The following TMEM151B variants were observed in gnomAD, a reference collection of about 807,000 sequenced individuals.
TMEM151B encodes the protein transmembrane protein 151B, also known as transmembrane protein 193.
TMEM151B carries 18 observed loss-of-function variants against 33.0 expected under a neutral mutation model. The ratio of observed to expected loss-of-function variants is 0.55; its 90% CI spans 0.38 to 0.81. The LOEUF (loss-of-function observed/expected upper bound fraction) is 0.81, where lower values mean the gene tolerates loss of function less well. Ranked by LOEUF, TMEM151B falls within the 30% of genes least tolerant of loss-of-function variation. The pLI, the probability that TMEM151B is intolerant of heterozygous loss-of-function variation, is 0.00. For missense variants in TMEM151B, 672 were observed against 843.4 expected, an observed-to-expected ratio of 0.80 and a Z score of 2.52; for synonymous variants, 354 against 373.6, an observed-to-expected ratio of 0.95 and a Z score of 0.61.
At position 44,276,031 on chromosome 6, in the gene TMEM151B, G is replaced by A; in HGVS notation, c.1205G>A (p.Cys402Tyr). Residue 402 changes from cysteine (C) to tyrosine (Y), a missense_variant, in exon 3 of 3, where the codon TGC becomes TAC. Cys to Tyr is a radical substitution (Grantham distance 194). Coordinates refer to ENST00000451188, the MANE Select transcript of TMEM151B (RefSeq NM_001137560.2). ...LMDLAGLGTR[C>Y]GGAGGGYAPS... ...GACCTGGCGGGGCTCGGGACGCGCT[G>A]CGGCGGGGCAGGCGGCGGCTACGCG... 7.4e-7 allele frequency: 1 copy of A among 1,351,712 alleles called. No individual in the cohort carries two copies. Among genetic ancestry groups the A allele is most frequent in the Non-Finnish European group, 9.5e-7 (1 of 1,055,410 alleles). 83.7% of individuals were successfully genotyped at this position (1,351,712 alleles called of 1,614,324 possible).
chr6:44,273,606 G>A (rs1419929548), intron 2 of TMEM151B, 100 bp downstream of exon 2: 1 of 1,303,472 alleles, frequency 7.7e-7, no homozygotes, highest in East Asian at 2.5e-5. Context: ...GGTGGGAGGA[G>A]CAAAAGGCAG....
Position 44,276,003 on chromosome 6 carries a change from A to G in TMEM151B, c.1177A>G (p.Met393Val), listed in dbSNP as rs766046773. 5.0e-6 allele frequency: 7 copies of G among 1,394,784 alleles called. No individual in the cohort carries two copies. The South Asian group carries it at 1.0e-4, about 20-fold the overall frequency. 86.4% of individuals were successfully genotyped at this position (1,394,784 alleles called of 1,614,324 possible). A position where few individuals can be genotyped will look rare whatever the true frequency, so the allele number is the denominator to read the frequency against. Residue 393 changes from methionine (M) to valine (V), a missense_variant, in exon 3 of 3, where the codon ATG becomes GTG. Transcript: ENST00000451188. The stretch of plus-strand genomic sequence containing the variant: ...GCCCAGCTACTCTGAGGCGGTGCTC[A>G]TGGACCTGGCGGGGCTCGGGACGCG... ...LVPSYSEAVLMDLAGLGTRCG... is the reference protein window; with the variant it reads ...LVPSYSEAVLVDLAGLGTRCG...
chr6:44,272,921 T>G (rs1782423575), intron 1 of TMEM151B, 145 bp from the exon 2 acceptor site: 1 of 739,772 alleles, frequency 1.4e-6, no homozygotes, highest in Admixed American at 3.0e-5. Context: ...TGGTCTCACC[T>G]TTTCTCTCCA....
intron 1 of TMEM151B, 26 bp downstream of exon 1, chr6:44,270,903 C>T (rs1489152877): frequency 2.9e-5 from 31 of 1,060,932 alleles, no homozygotes; most frequent in Admixed American, 5.5e-5. Flanking sequence ...GCCCCTTCCC[C>T]GGGCGCGGCC....
rs916649718 is a variant in TMEM151B, at chr6:44,276,259, G to A, written c.1433G>A (p.Arg478His). 8.3e-6 allele frequency: 11 copies of A among 1,324,780 alleles called. No homozygotes were observed. The highest frequency in any genetic ancestry group is 6.1e-5 in the African/African-American group (4 of 65,082). The allele number at this position is 1,324,780 out of a possible 1,614,324, so 82.1% of individuals were successfully genotyped here. ...GGGGGCAGCCGCTTCTCGCTGGGCCGTCTCTACGGCTCCCGGCGCAGCTGC... is the reference window on the plus strand; with the variant it reads ...GGGGGCAGCCGCTTCTCGCTGGGCCATCTCTACGGCTCCCGGCGCAGCTGC... ...GCGGSRFSLG[R>H]LYGSRRSCLW... The change falls in exon 3 of 3, where the codon CGT (arginine) becomes CAT (histidine). Residue 478 changes from arginine to histidine, a missense_variant. By Grantham distance (29) the Arg-to-His change is conservative. This residue lies in a region of TMEM151B where 324 missense variants were observed against 363.1 expected (regional missense o/e 0.89). Coordinates refer to ENST00000451188, the MANE Select transcript of TMEM151B (RefSeq NM_001137560.2).
chr6:44,274,601 C>T lies in TMEM151B; in HGVS notation c.577-802C>T, dbSNP rs182538021. 4.7e-4 allele frequency among the ~76,000 whole-genome samples: 71 copies of T among 152,340 alleles called. No individual in the cohort carries two copies. The East Asian group carries it at 0.013, about 29-fold the overall frequency. Reference sequence around the variant, plus strand: ...GCAGGAAGGAGGCTGATGATAGCTACAGCGTGAACAGGCAGACTAGAGATA... The same window carrying T: ...GCAGGAAGGAGGCTGATGATAGCTATAGCGTGAACAGGCAGACTAGAGATA... On this transcript the variant is annotated intron_variant, in intron 2 of 2. Transcript: ENST00000451188.
At chr6:44,275,130 A>G (rs902864923) in intron 2 of TMEM151B, among the ~76,000 whole-genome samples, 3 of 151,800 alleles carry the variant, frequency 2.0e-5, no homozygotes, top group African/African-American at 4.8e-5. Context: ...AAAAAAAAAA[A>G]AAAAAAGAAA....
rs1276102468 is a variant in TMEM151B at position 44,277,342 on chromosome 6, A to G, written c.*815A>G. 6.6e-6 allele frequency: 1 copy of G among 152,322 alleles called. No individual in the cohort carries two copies. The allele number at this position is 152,322 out of a possible 1,614,324, so 9.4% of individuals were successfully genotyped here. A position where few individuals can be genotyped will look rare whatever the true frequency, so the allele number is the denominator to read the frequency against. On this transcript the variant is annotated 3_prime_UTR_variant, in exon 3 of 3. Transcript: ENST00000451188. Reference sequence around the variant, plus strand: ...TCTCTCTAAACTCCTCAGCCTCCCAACAGGGGCCTCCTCACCTGGGTTCTG... The same window carrying G: ...TCTCTCTAAACTCCTCAGCCTCCCAGCAGGGGCCTCCTCACCTGGGTTCTG...
chr6:44,275,835 G>C lies in TMEM151B; in HGVS notation c.1009G>C (p.Gly337Arg), dbSNP rs1430606674. 1 of 1,542,066 alleles carries C rather than the reference G, an allele frequency of 6.5e-7. No homozygotes were observed. The highest frequency in any genetic ancestry group is 1.4e-5 in the African/African-American group (1 of 73,114). Residue 337 changes from glycine (G) to arginine (R), a missense_variant, in exon 3 of 3, where the codon GGC (glycine) becomes CGC (arginine). By Grantham distance (125) the Gly-to-Arg change is moderately radical (BLOSUM62 -2). Transcript: ENST00000451188. ...YHVEKLFGLE[G>R]PGSASSAGGG... ...CGTGGAGAAGCTATTTGGCCTGGAG[G>C]GCCCGGGCTCGGCCAGCAGCGCAGG...
rs977667593 is a variant in TMEM151B, at chr6:44,270,781, C to T, written c.39C>T (p.Ala13=). ...PPGSAAGESA[A]GGGGGGGGPG... is the part of the protein sequence containing the mutation. The stretch of plus-strand genomic sequence containing the variant: ...GCTCGGCCGCGGGAGAGAGCGCCGC[C>T]GGCGGCGGCGGCGGCGGTGGCGGCC... The change falls in exon 1 of 3, where the codon GCC becomes GCT. Residue 13 remains alanine (A), a synonymous_variant. Coordinates refer to ENST00000451188, the MANE Select transcript of TMEM151B (RefSeq NM_001137560.2). 2.0e-5 allele frequency: 21 copies of T among 1,055,026 alleles called. No individual in the cohort carries two copies. The highest frequency in any genetic ancestry group is 2.3e-5 in the Non-Finnish European group (20 of 866,552). 65.4% of individuals were successfully genotyped at this position (1,055,026 alleles called of 1,614,324 possible).
chr6:44,274,082 G>C lies in TMEM151B; in HGVS notation c.576+576G>C, dbSNP rs1002444827. ...ATAAAAAGAAGTAGCTGGTGTGGTG[G>C]TATGCACCTGTAGTCCCGGCTACTC... On this transcript the variant is annotated intron_variant, in intron 2 of 2. Transcript: ENST00000451188. Among the ~76,000 whole-genome samples, 15 of 152,054 alleles carry C rather than the reference G, an allele frequency of 9.9e-5. 1 individual carries two copies. The highest frequency in any genetic ancestry group is 2.1e-4 in the Non-Finnish European group (14 of 68,024).
chr6:44,276,016 G>A lies in TMEM151B; in HGVS notation c.1190G>A (p.Gly397Glu). Residue 397 changes from glycine (G) to glutamate (E), a missense_variant, in exon 3 of 3, where the codon GGG (glycine) becomes GAG (glutamate). Physicochemically the swap from Gly to Glu is moderately conservative, Grantham distance 98. This residue lies in a region of TMEM151B where 324 missense variants were observed against 363.1 expected (regional missense o/e 0.89). Coordinates refer to ENST00000451188, the MANE Select transcript of TMEM151B (RefSeq NM_001137560.2). ...YSEAVLMDLAGLGTRCGGAGG... is the reference protein window; with the variant it reads ...YSEAVLMDLAELGTRCGGAGG... The stretch of plus-strand genomic sequence containing the variant: ...GAGGCGGTGCTCATGGACCTGGCGG[G>A]GCTCGGGACGCGCTGCGGCGGGGCA... The A allele has an allele frequency of 7.4e-7, 1 of 1,357,214 alleles. No individual in the cohort carries two copies. Among genetic ancestry groups the A allele is most frequent in the Non-Finnish European group, 9.5e-7 (1 of 1,056,308 alleles). 84.1% of individuals were successfully genotyped at this position (1,357,214 alleles called of 1,614,324 possible). A position where few individuals can be genotyped will look rare whatever the true frequency, so the allele number is the denominator to read the frequency against.
Position 44,275,425 on chromosome 6 carries a change from C to A in TMEM151B, c.599C>A (p.Thr200Lys), listed in dbSNP as rs1327776255. ...CAGGTCTACCACGAACGCGTCAACA[C>A]GCACGTGGCGGAGGCTGAGTTCGAC... ...TTQVYHERVN[T>K]HVAEAEFDYA... The change falls in exon 3 of 3, where the codon ACG (threonine) becomes AAG (lysine). Residue 200 changes from threonine to lysine, a missense_variant. Physicochemically the swap from Thr to Lys is moderately conservative, Grantham distance 78. This residue lies in a region of TMEM151B where 285 missense variants were observed against 423.1 expected (regional missense o/e 0.67). Coordinates refer to ENST00000451188, the MANE Select transcript of TMEM151B (RefSeq NM_001137560.2). 6.5e-7 allele frequency: 1 copy of A among 1,532,294 alleles called. No homozygotes were observed. The highest frequency in any genetic ancestry group is 8.8e-7 in the Non-Finnish European group (1 of 1,134,118). The allele number at this position is 1,532,294 out of a possible 1,614,324, so 94.9% of individuals were successfully genotyped here. A position where few individuals can be genotyped will look rare whatever the true frequency, so the allele number is the denominator to read the frequency against.
At position 44,273,193 on chromosome 6, in the gene TMEM151B, C is replaced by G. The variant is rs202206395; in HGVS notation, c.263C>G (p.Thr88Arg). The change falls in exon 2 of 3, where the codon ACG (threonine) becomes AGG (arginine). Residue 88 changes from threonine (T) to arginine (R), a missense_variant. Coordinates refer to ENST00000451188, the MANE Select transcript of TMEM151B (RefSeq NM_001137560.2). ...GCCTGGTGCCACGTCACCACAGTGA[C>G]GCGCCTCACCTTCAGCAGCGCCTAC... ...AVAWCHVTTVTRLTFSSAYQG... is the reference protein window; with the variant it reads ...AVAWCHVTTVRRLTFSSAYQG... 6 of 1,549,408 alleles carry G rather than the reference C, an allele frequency of 3.9e-6. No homozygotes were observed. The highest frequency in any genetic ancestry group is 5.2e-6 in the Non-Finnish European group (6 of 1,145,344).
In TMEM151B at chr6:44,273,505, A is replaced by C; in HGVS notation, c.575A>C (p.Gln192Pro). Residue 192 changes from glutamine to proline, a missense_variant and splice_region_variant, in exon 2 of 3, where the codon CAG becomes CCG. By Grantham distance (76) the Gln-to-Pro change is moderately conservative (BLOSUM62 -1). Coordinates refer to ENST00000451188, the MANE Select transcript of TMEM151B (RefSeq NM_001137560.2). ...AATGGAGACGCCTATACCACCACCC[A>C]GGTGAGGAGCTGGTGGGGAGTGCAG... ...YRNGDAYTTT[Q>P]VYHERVNTHV... The C allele has an allele frequency of 6.5e-7, 1 of 1,538,400 alleles. No individual in the cohort carries two copies. The highest frequency in any genetic ancestry group is 8.8e-7 in the Non-Finnish European group (1 of 1,137,330).
At position 44,275,393 on chromosome 6, in the gene TMEM151B, C is replaced by T. The variant is rs1004078967; in HGVS notation, c.577-10C>T. 5.4e-6 allele frequency: 8 copies of T among 1,487,100 alleles called. No homozygotes were observed. In the Admixed American group the frequency reaches 9.1e-5, roughly 17 times the overall value. 92.1% of individuals were successfully genotyped at this position (1,487,100 alleles called of 1,614,324 possible). A position where few individuals can be genotyped will look rare whatever the true frequency, so the allele number is the denominator to read the frequency against. ...CCCCGCGACCCCGCCGCCTGCCCCC[C>T]GCGCCGCAGGTCTACCACGAACGCG... is the stretch of plus-strand genomic sequence containing the variant. On this transcript the variant is annotated splice_polypyrimidine_tract_variant and intron_variant, in intron 2 of 2. Coordinates refer to ENST00000451188, the MANE Select transcript of TMEM151B (RefSeq NM_001137560.2).
intron 1 of TMEM151B, among the ~76,000 whole-genome samples, chr6:44,272,009 C>T (rs960468822): frequency 6.6e-6 from 1 of 151,992 alleles, no homozygotes; most frequent in African/African-American, 2.4e-5. Context: ...GATGTGGCTG[C>T]TGGGGGCCAG....
In TMEM151B at chr6:44,278,450, C is replaced by G. The variant is rs970376053; in HGVS notation, c.*1923C>G. On this transcript the variant is annotated 3_prime_UTR_variant, in exon 3 of 3. Coordinates refer to ENST00000451188, the MANE Select transcript of TMEM151B (RefSeq NM_001137560.2). The stretch of plus-strand genomic sequence containing the variant: ...ACCCTTCTTTCCTCTGAATGGACAT[C>G]TGTGAGGTACAGGTGGTGAGCTGCA... 1 of 152,248 alleles carries G rather than the reference C, an allele frequency of 6.6e-6. No individual in the cohort carries two copies. Among genetic ancestry groups the G allele is most frequent in the African/African-American group, 2.4e-5 (1 of 41,432 alleles). The allele number at this position is 152,248 out of a possible 1,614,324, so 9.4% of individuals were successfully genotyped here.
In TMEM151B at chr6:44,273,379, G is replaced by A. The variant is rs1017869052; in HGVS notation, c.449G>A (p.Arg150Gln). The A allele has an allele frequency of 1.1e-5, 17 of 1,551,250 alleles. No individual in the cohort carries two copies. In the East Asian group the frequency reaches 1.5e-4, roughly 13 times the overall value. ...LQHRVDVSSV[R>Q]ERVGRMQQAT... The stretch of plus-strand genomic sequence containing the variant: ...CACCGTGTTGATGTGAGCAGTGTGC[G>A]GGAACGTGTGGGCCGCATGCAGCAA... The change falls in exon 2 of 3, where the codon CGG becomes CAG. Residue 150 changes from arginine (R) to glutamine (Q), a missense_variant. Around this residue, in one of 3 missense-constraint regions of TMEM151B, gnomAD observed 285 missense variants for 423.1 expected, o/e 0.67. Transcript: ENST00000451188.
Sources: allele counts gnomAD v4.1 joint callset (sites outside exome capture counted in the v4.1 genomes callset), GRCh38; gene constraint gnomAD v4.1.1; regional missense constraint gnomAD v4.1.1; transcripts MANE v1.5; gene names NCBI Gene and HGNC (gene_info 2026-07-23, HGNC 2026-07-21).